The following ACTR3C variants were observed in gnomAD, a reference collection of about 807,000 sequenced individuals.
ACTR3C encodes the protein actin-related protein 3C.
In ACTR3C, 18 loss-of-function variants were observed where a neutral mutation model predicts 26.3. That is an observed-to-expected ratio of 0.68 (90% CI 0.47 to 1.01). The LOEUF (loss-of-function observed/expected upper bound fraction) is 1.01. ACTR3C is among the 50% of genes least tolerant of loss of function. The pLI is 0.00. For missense variants in ACTR3C, 184 were observed against 250.7 expected, an observed-to-expected ratio of 0.73 and a Z score of 1.80; for synonymous variants, 55 against 94.5, an observed-to-expected ratio of 0.58 and a Z score of 2.42.
the ACTR3C span, among the ~76,000 whole-genome samples, chr7:150,149,667 T>C: frequency 2.6e-5 from 4 of 152,048 alleles, no homozygotes; most frequent in African/African-American, 9.7e-5. Flanking sequence ...ACAAAGGAAA[T>C]GAACTCATCC....
chr7:150,192,378 AG>A, the ACTR3C span, among the ~76,000 whole-genome samples: 1 of 152,104 alleles, frequency 6.6e-6, no homozygotes, highest in African/African-American at 2.4e-5. Flanking sequence ...AGCTCACTGC[AG>A]CCTTGAACTC....
At chr7:150,318,461 C>T (rs1244841511) in intron 1 of ACTR3C, among the ~76,000 whole-genome samples, 1 of 152,110 alleles carries the variant, frequency 6.6e-6, no homozygotes, top group Non-Finnish European at 1.5e-5. Flanking sequence ...ATAAAGATGC[C>T]AACTTTAAAG....
the ACTR3C span, among the ~76,000 whole-genome samples, chr7:149,934,473 T>A: frequency 6.6e-6 from 1 of 152,248 alleles, no homozygotes; most frequent in Non-Finnish European, 1.5e-5. Context: ...TTCAAGAGGT[T>A]ATTCACATTT....
the ACTR3C span, among the ~76,000 whole-genome samples, chr7:150,069,591 T>C: frequency 2.6e-5 from 4 of 151,710 alleles, no homozygotes; most frequent in South Asian, 8.4e-4. Flanking sequence ...CAGGGAGAGG[T>C]AATAGCCAGG....
the ACTR3C span, among the ~76,000 whole-genome samples, chr7:150,230,141 T>C: frequency 0.23 from 34,134 of 150,896 alleles, 6,232 homozygotes; most frequent in African/African-American, 0.51. Context: ...AGGAGAATCA[T>C]TTGAACCTGG....
At chr7:150,080,015 C>T in the ACTR3C span, among the ~76,000 whole-genome samples, 10 of 152,282 alleles carry the variant, frequency 6.6e-5, no homozygotes, top group East Asian at 1.9e-3. Context: ...GCTTGAACAT[C>T]ATGCTAGAGA....
At chr7:149,927,342 G>A in the ACTR3C span, among the ~76,000 whole-genome samples, 9 of 151,618 alleles carry the variant, frequency 5.9e-5, no homozygotes, top group Admixed American at 1.3e-4. Context: ...AGAGAACTGG[G>A]CCGTTCTCCT....
In ACTR3C at chr7:150,274,424, T is replaced by C. The variant is rs1410794910; in HGVS notation, c.564+10329A>G. On this transcript the variant is annotated intron_variant, in intron 6 of 7. Coordinates refer to ENST00000683684, the MANE Select transcript of ACTR3C (RefSeq NM_001164458.2). The surrounding 1 kb of genome is among the most constrained non-coding windows in gnomAD (Gnocchi z 4.1). ...GCTATTATACACTTAAACCATAATA[T>C]AGTGCAAACATAGCCTTCATGTGCA... is the stretch of plus-strand genomic sequence containing the variant. 1.3e-5 allele frequency among the ~76,000 whole-genome samples: 2 copies of C among 152,240 alleles called. No individual in the cohort carries two copies. The highest frequency in any genetic ancestry group is 2.1e-4 in the South Asian group (1 of 4,834).
chr7:150,256,143 C>A (rs565497325), intron 6 of ACTR3C, among the ~76,000 whole-genome samples: 1 of 152,176 alleles, frequency 6.6e-6, no homozygotes. Flanking sequence ...ATGGAGTGTA[C>A]GTACCACATT....
At chr7:150,302,864 G>A (rs1001197406) in intron 1 of ACTR3C, 4 of 152,136 alleles carry the variant, frequency 2.6e-5, no homozygotes, top group Non-Finnish European at 5.9e-5. Flanking sequence ...GCAATGCCAA[G>A]CAGGAGACGC....
At chr7:149,968,187 C>T in the ACTR3C span, among the ~76,000 whole-genome samples, 1 of 152,260 alleles carries the variant, frequency 6.6e-6, no homozygotes, top group East Asian at 1.9e-4. Context: ...GTGTCCCAGG[C>T]ATGGCTGCTG....
chr7:150,163,252 T>C, the ACTR3C span, among the ~76,000 whole-genome samples: 1 of 151,876 alleles, frequency 6.6e-6, no homozygotes. Context: ...AGCAAAGACT[T>C]GAAATTCCTG....
At chr7:150,085,665 G>A in the ACTR3C span, among the ~76,000 whole-genome samples, 1 of 152,082 alleles carries the variant, frequency 6.6e-6, no homozygotes, top group Non-Finnish European at 1.5e-5. Context: ...TCAAGTGCCT[G>A]GATGAAAAAT....
chr7:150,214,293 AAGTG>A, the ACTR3C span, among the ~76,000 whole-genome samples: 1 of 152,218 alleles, frequency 6.6e-6, no homozygotes, highest in African/African-American at 2.4e-5. Flanking sequence ...AAGAGTTTTA[AAGTG>A]AGTATTATAA....
At chr7:150,079,245 T>C in the ACTR3C span, among the ~76,000 whole-genome samples, 23,547 of 151,994 alleles carry the variant, frequency 0.15, 1,930 homozygotes, top group South Asian at 0.26. Flanking sequence ...GGAGCAGACA[T>C]TGAAGTAGCA....
chr7:149,931,277 G>C, the ACTR3C span, among the ~76,000 whole-genome samples: 5 of 152,220 alleles, frequency 3.3e-5, no homozygotes, highest in African/African-American at 1.2e-4. Context: ...GTTCTTCGGG[G>C]GAGGATTGTT....
At chr7:149,975,614 C>T in the ACTR3C span, among the ~76,000 whole-genome samples, 1,980 of 152,134 alleles carry the variant, frequency 0.013, 53 homozygotes, top group African/African-American at 0.045. Flanking sequence ...CGGATTAGTC[C>T]GTTCTCATGC....
chr7:150,136,828 CTG>C, the ACTR3C span, among the ~76,000 whole-genome samples: 1 of 152,204 alleles, frequency 6.6e-6, no homozygotes, highest in Non-Finnish European at 1.5e-5. Flanking sequence ...GCCTCGTGCA[CTG>C]TGCATGCTTT....
the ACTR3C span, among the ~76,000 whole-genome samples, chr7:149,937,258 G>A: frequency 7.9e-5 from 11 of 138,818 alleles, no homozygotes; most frequent in African/African-American, 3.0e-4. Flanking sequence ...ATGGCTCCCT[G>A]ACATCTTTGT....
Sources: gnomAD v4.1 joint callset for allele counts (sites outside exome capture counted in the v4.1 genomes callset) on GRCh38, gnomAD v4.1.1 for gene constraint, Gnocchi (gnomAD v3.1) non-coding constraint, MANE v1.5 for transcripts, NCBI Gene and HGNC (gene_info 2026-07-23, HGNC 2026-07-21) for gene names.